RELB: variants seen among roughly 807,000 people sequenced by gnomAD.
The protein encoded by RELB is RELB proto-oncogene, NF-kB subunit, also known as transcription factor RelB.
RELB carries 14 observed loss-of-function variants against 55.4 expected under a neutral mutation model. The ratio of observed to expected loss-of-function variants is 0.25; its 90% CI spans 0.17 to 0.40. The LOEUF (loss-of-function observed/expected upper bound fraction) is 0.40. RELB is among the 10% of genes least tolerant of loss of function. RELB has a pLI of 1.00. For synonymous variants in RELB, 409 were observed against 371.3 expected (o/e 1.10, Z -1.17); for missense variants, 669 against 830.7 (o/e 0.81, Z 2.39).
chr19:45,034,186 AGGAAT>A, intron 9 of RELB, 53 bp from the exon 10 acceptor site: 1 of 1,193,390 alleles, frequency 8.4e-7, no homozygotes, highest in Non-Finnish European at 1.2e-6. Context: ...AAATAAATAA[AGGAAT>A]TAATTATTAT....
In RELB at chr19:45,022,143, G is replaced by A; in HGVS notation, c.595G>A (p.Val199Met). The A allele has an allele frequency of 1.9e-6, 3 of 1,613,090 alleles. No homozygotes were observed. Among genetic ancestry groups the A allele is most frequent in the Admixed American group, 1.7e-5 (1 of 59,990 alleles). ...WPHRVHPHSL[V>M]GKDCTDGICR... ...TCACCGAGTCCACCCCCACAGCCTCGTGGGGAAAGACTGCACCGACGGCAT... is the reference window on the plus strand; with the variant it reads ...TCACCGAGTCCACCCCCACAGCCTCATGGGGAAAGACTGCACCGACGGCAT... The change falls in exon 5 of 12, where the codon GTG becomes ATG. Residue 199 changes from valine (V) to methionine (M), a missense_variant. Physicochemically the swap from Val to Met is conservative, Grantham distance 21. Coordinates refer to ENST00000221452, the MANE Select transcript of RELB (RefSeq NM_006509.4).
At chr19:45,019,511 C>T (rs1004176306) in intron 4 of RELB, among the ~76,000 whole-genome samples, 14 of 152,082 alleles carry the variant, frequency 9.2e-5, no homozygotes, top group Non-Finnish European at 1.8e-4. Flanking sequence ...TTAGTAATCC[C>T]ATCAAATCAT....
intron 5 of RELB, 106 bp from the exon 6 acceptor site, chr19:45,025,223 C>G (rs1388052642): frequency 1.3e-6 from 1 of 768,726 alleles, no homozygotes; most frequent in African/African-American, 1.7e-5. Flanking sequence ...ATGTCAGCCC[C>G]TGAGAGCCTG....
intron 2 of RELB, among the ~76,000 whole-genome samples, chr19:45,005,897 C>T (rs990947783): frequency 2.0e-5 from 3 of 152,190 alleles, no homozygotes; most frequent in Non-Finnish European, 4.4e-5. Flanking sequence ...AGCCACCGTG[C>T]CCGGCCAAGG....
At chr19:45,014,465 C>T (rs149478409) in intron 4 of RELB, among the ~76,000 whole-genome samples, 315 of 150,466 alleles carry the variant, frequency 2.1e-3, no homozygotes, top group African/African-American at 7.0e-3. Flanking sequence ...GCCACCGCAC[C>T]GGCCTAATTT....
intron 1 of RELB, among the ~76,000 whole-genome samples, chr19:45,002,066 G>A (rs1273776953): frequency 7.3e-6 from 1 of 136,810 alleles, no homozygotes; most frequent in African/African-American, 2.7e-5. Context: ...GGCCGGGCCT[G>A]ACTCAAAAAA....
chr19:45,032,311 C>G (rs555484463), intron 8 of RELB: 4 of 482,926 alleles, frequency 8.3e-6, no homozygotes, highest in African/African-American at 7.8e-5. Context: ...CCCAGCTATT[C>G]CGGAGGCTGA....
intron 2 of RELB, among the ~76,000 whole-genome samples, chr19:45,004,351 T>C (rs1971256652): frequency 1.3e-5 from 2 of 151,366 alleles, no homozygotes; most frequent in South Asian, 4.2e-4. Flanking sequence ...GCCTCCCAAG[T>C]AGCTGGGATT....
rs944245233 is a variant in RELB at position 45,001,536 on chromosome 19, G to A, written c.-44G>A. The A allele has an allele frequency of 8.5e-6, 10 of 1,175,524 alleles. No homozygotes were observed. Among genetic ancestry groups the A allele is most frequent in the Admixed American group, 7.0e-5 (2 of 28,440 alleles). The allele number at this position is 1,175,524 out of a possible 1,614,324, so 72.8% of individuals were successfully genotyped here. ...TGCGCCGCTCGTCCGACCCGCGATC[G>A]TCCACCAGACCGTGCCTCCCGGCCG... is the stretch of plus-strand genomic sequence containing the variant. On this transcript the variant is annotated 5_prime_UTR_variant, in exon 1 of 12. Coordinates refer to ENST00000221452, the MANE Select transcript of RELB (RefSeq NM_006509.4).
Position 45,025,725 on chromosome 19 carries a change from G to A in RELB, c.874G>A (p.Val292Ile), listed in dbSNP as rs374893001. ...RRMDPVLSEP[V>I]YDKKSTNTSE... ...GATGGATCCTGTGCTTTCCGAGCCC[G>A]TCTATGACAAGAGTGAGTTGAGAGT... The change falls in exon 7 of 12, where the codon GTC (valine) becomes ATC (isoleucine). Residue 292 changes from valine to isoleucine, a missense_variant. Physicochemically the swap from Val to Ile is conservative, Grantham distance 29. Around this residue, in one of 3 missense-constraint regions of RELB, gnomAD observed 341 missense variants for 436.8 expected, o/e 0.78. Transcript: ENST00000221452. 178 of 1,613,960 alleles carry A rather than the reference G, an allele frequency of 1.1e-4. No homozygotes were observed. The highest frequency in any genetic ancestry group is 1.7e-4 in the Middle Eastern group (1 of 6,060).
intron 5 of RELB, among the ~76,000 whole-genome samples, chr19:45,024,693 G>A (rs1221341922): frequency 6.6e-6 from 1 of 151,656 alleles, no homozygotes; most frequent in East Asian, 1.9e-4. Context: ...GGGATTACAG[G>A]TGTGCGCCAC....
intron 4 of RELB, 89 bp from the exon 5 acceptor site, chr19:45,021,964 T>C (rs1971494431): frequency 6.9e-6 from 9 of 1,312,076 alleles, no homozygotes; most frequent in African/African-American, 1.5e-5. Flanking sequence ...GGGGAGAGGA[T>C]TGGGGAGCTG....
chr19:45,015,802 A>G (rs1421663941), intron 4 of RELB, among the ~76,000 whole-genome samples: 4 of 151,474 alleles, frequency 2.6e-5, no homozygotes, highest in African/African-American at 9.7e-5. Context: ...CTGACATCTC[A>G]AGGATGAAAA....
chr19:45,008,368 TCCAG>T, intron 2 of RELB: 1 of 454,894 alleles, frequency 2.2e-6, no homozygotes, highest in South Asian at 1.5e-5. Context: ...AACCCAGAGC[TCCAG>T]CCACAGCCGC....
At chr19:45,029,774 T>C (rs984384749) in intron 8 of RELB, among the ~76,000 whole-genome samples, 2 of 151,696 alleles carry the variant, frequency 1.3e-5, no homozygotes, top group Admixed American at 6.6e-5. Context: ...CGCTTGAACC[T>C]GGGAGGCAGA....
rs180986459 is a variant in RELB at position 45,020,337 on chromosome 19, C to G, written c.505-1716C>G. Among the ~76,000 whole-genome samples the G allele has an allele frequency of 2.0e-5, 3 of 151,752 alleles. No homozygotes were observed. The East Asian group carries it at 5.8e-4, about 29-fold the overall frequency. On this transcript the variant is annotated intron_variant, in intron 4 of 11. Coordinates refer to ENST00000221452, the MANE Select transcript of RELB (RefSeq NM_006509.4). ...GTCTCAGGCTTAAGTGATCCTCCCA[C>G]CTCAGCTTCCAGAGTAGCTGGGATT...
chr19:45,007,371 G>A lies in RELB; in HGVS notation c.155-2443G>A, dbSNP rs952667906. Among the ~76,000 whole-genome samples the A allele has an allele frequency of 3.3e-5, 5 of 152,290 alleles. No homozygotes were observed. In the East Asian group the frequency reaches 5.8e-4, roughly 18 times the overall value. Reference sequence around the variant, plus strand: ...AACTAAGCTTTCTGGAAGATGTCGCGTGGTCAGAACCTGCACTAAGTAGTT... The same window carrying A: ...AACTAAGCTTTCTGGAAGATGTCGCATGGTCAGAACCTGCACTAAGTAGTT... On this transcript the variant is annotated intron_variant, in intron 2 of 11. Coordinates refer to ENST00000221452, the MANE Select transcript of RELB (RefSeq NM_006509.4).
chr19:45,027,020 G>A (rs1440937455), intron 7 of RELB, among the ~76,000 whole-genome samples: 1 of 152,018 alleles, frequency 6.6e-6, no homozygotes. Context: ...ACGAGGTCAG[G>A]AGATCGAGAC....
rs1971371513 is a variant in RELB, at chr19:45,012,285, G to A, written c.504+9G>A. 7.2e-7 allele frequency: 1 copy of A among 1,394,392 alleles called. No individual in the cohort carries two copies. Among genetic ancestry groups the A allele is most frequent in the Non-Finnish European group, 9.2e-7 (1 of 1,081,216 alleles). 86.4% of individuals were successfully genotyped at this position (1,394,392 alleles called of 1,614,324 possible). A position where few individuals can be genotyped will look rare whatever the true frequency, so the allele number is the denominator to read the frequency against. ...CGCTGCCCGCCATCGAGGTGGGCCC[G>A]GCGAGCGGCCCCGGGCGGGTGGGAC... On this transcript the variant is annotated intron_variant, in intron 4 of 11. Transcript: ENST00000221452.
Sources: allele counts gnomAD v4.1 joint callset (sites outside exome capture counted in the v4.1 genomes callset), GRCh38; gene constraint gnomAD v4.1.1; regional missense constraint gnomAD v4.1.1; transcripts MANE v1.5; gene names NCBI Gene and HGNC (gene_info 2026-07-23, HGNC 2026-07-21).